Variants in ZMYM2 observed in about 807,000 individuals in gnomAD.
ZMYM2 encodes the protein zinc finger MYM-type protein 2.
ZMYM2 carries 56 observed loss-of-function variants against 162.8 expected under a neutral mutation model. That is an observed-to-expected ratio of 0.34 (90% CI 0.28 to 0.43). The LOEUF (loss-of-function observed/expected upper bound fraction) is 0.43. ZMYM2 is among the 20% of genes least tolerant of loss of function. ZMYM2 has a pLI of 1.00. For synonymous variants in ZMYM2, 510 were observed against 541.6 expected (o/e 0.94, Z 0.81); for missense variants, 1,275 against 1,621.8 (o/e 0.79, Z 3.67).
the ZMYM2 span, among the ~76,000 whole-genome samples, chr13:19,911,515 C>T: frequency 1.3e-5 from 2 of 152,114 alleles, no homozygotes; most frequent in African/African-American, 2.4e-5. Context: ...AGCTTTTTAT[C>T]GGGGTGACTA....
chr13:19,991,157 A>G (rs1341544201), intron 2 of ZMYM2, among the ~76,000 whole-genome samples: 1 of 151,036 alleles, frequency 6.6e-6, no homozygotes, highest in African/African-American at 2.4e-5. Context: ...TCTGTTGCCC[A>G]GGCTGGAATA....
intron 21 of ZMYM2, among the ~76,000 whole-genome samples, chr13:20,078,637 C>A (rs748238221): frequency 8.5e-5 from 13 of 152,148 alleles, no homozygotes; most frequent in Middle Eastern, 3.4e-3. Context: ...GCTGCTTTGC[C>A]CTACAAAGCA....
chr13:19,882,865 CATTA>C, the ZMYM2 span, among the ~76,000 whole-genome samples: 2 of 152,240 alleles, frequency 1.3e-5, no homozygotes, highest in Admixed American at 6.5e-5. Context: ...AAAAGATAAA[CATTA>C]ATTATCTTTT....
chr13:20,000,754 C>T (rs1370411505), intron 3 of ZMYM2, among the ~76,000 whole-genome samples: 1 of 152,242 alleles, frequency 6.6e-6, no homozygotes, highest in Admixed American at 6.5e-5. Context: ...TTCATACCTG[C>T]TACCACAATA....
intron 17 of ZMYM2, among the ~76,000 whole-genome samples, 197 bp downstream of exon 17, chr13:20,061,421 A>C (rs940112330): frequency 6.6e-6 from 1 of 152,194 alleles, no homozygotes; most frequent in African/African-American, 2.4e-5. Context: ...TATCCGAAGC[A>C]GGAATTTGGT....
At chr13:19,909,783 A>G in the ZMYM2 span, among the ~76,000 whole-genome samples, 1 of 152,126 alleles carries the variant, frequency 6.6e-6, no homozygotes, top group Admixed American at 6.6e-5. Flanking sequence ...ACAGACCTCT[A>G]AAGTGCAACC....
At chr13:19,921,599 TA>T in the ZMYM2 span, among the ~76,000 whole-genome samples, 5 of 152,140 alleles carry the variant, frequency 3.3e-5, no homozygotes, top group African/African-American at 9.7e-5. Flanking sequence ...CGCTATTGAT[TA>T]AAAAAATATG....
chr13:20,002,868 C>T lies in ZMYM2; in HGVS notation c.866C>T (p.Ser289Leu). Residue 289 changes from serine to leucine, a missense_variant, in exon 4 of 25, where the codon TCA (serine) becomes TTA (leucine). Around this residue, in one of 10 missense-constraint regions of ZMYM2, gnomAD observed 115 missense variants for 175.3 expected, o/e 0.66. Coordinates refer to ENST00000610343, the MANE Select transcript of ZMYM2 (RefSeq NM_197968.4). Reference sequence around the variant, plus strand: ...TTTTAAGATTCTTGGATCTCCCAGTCAGCTTCATTTCCCCGTAATCAGAAA... The same window carrying T: ...TTTTAAGATTCTTGGATCTCCCAGTTAGCTTCATTTCCCCGTAATCAGAAA... ...HHNPDSWISQ[S>L]ASFPRNQKQP... The T allele has an allele frequency of 6.2e-7, 1 of 1,613,490 alleles. No homozygotes were observed. Among genetic ancestry groups the T allele is most frequent in the Non-Finnish European group, 8.5e-7 (1 of 1,179,550 alleles).
chr13:19,912,113 T>TA, the ZMYM2 span, among the ~76,000 whole-genome samples: 10 of 152,180 alleles, frequency 6.6e-5, 1 homozygote, highest in South Asian at 1.2e-3. Flanking sequence ...CATCTCCTGG[T>TA]AACTGGTATG....
chr13:20,005,320 T>G, intron 5 of ZMYM2, 81 bp downstream of exon 5: 1 of 1,065,532 alleles, frequency 9.4e-7, no homozygotes, highest in Non-Finnish European at 1.3e-6. Flanking sequence ...TAGATAATCT[T>G]TTATCAGTTC....
At chr13:19,883,046 C>A in the ZMYM2 span, among the ~76,000 whole-genome samples, 1 of 152,112 alleles carries the variant, frequency 6.6e-6, no homozygotes, top group Non-Finnish European at 1.5e-5. Context: ...GTGGTCTATA[C>A]ATACAATGGA....
intron 16 of ZMYM2, among the ~76,000 whole-genome samples, chr13:20,060,356 TAA>T (rs1479673858): frequency 6.6e-6 from 1 of 152,154 alleles, no homozygotes; most frequent in Non-Finnish European, 1.5e-5. Flanking sequence ...CTGTGCATAT[TAA>T]GTTTATATTT....
intron 3 of ZMYM2, among the ~76,000 whole-genome samples, chr13:19,994,719 C>T (rs1949890157): frequency 6.6e-6 from 1 of 151,834 alleles, no homozygotes; most frequent in Non-Finnish European, 1.5e-5. Context: ...AAACTCCTGA[C>T]CTCAGGTGAT....
intron 3 of ZMYM2, 122 bp downstream of exon 3, chr13:19,994,041 T>A (rs564399233): frequency 8.6e-7 from 1 of 1,162,542 alleles, no homozygotes; most frequent in African/African-American, 1.5e-5. Context: ...GTGAATTATA[T>A]TGAATTTTAT....
intron 6 of ZMYM2, among the ~76,000 whole-genome samples, chr13:20,011,228 TGAA>T (rs1177811754): frequency 1.3e-5 from 2 of 152,202 alleles, no homozygotes; most frequent in African/African-American, 4.8e-5. Flanking sequence ...GTTCCGGAGT[TGAA>T]GAAGTTCTTT....
chr13:19,913,022 G>A, the ZMYM2 span, among the ~76,000 whole-genome samples: 4 of 152,160 alleles, frequency 2.6e-5, no homozygotes, highest in Non-Finnish European at 5.9e-5. Flanking sequence ...AGTATTGAGT[G>A]GCACCTAGAG....
the ZMYM2 span, among the ~76,000 whole-genome samples, chr13:19,915,588 C>T: frequency 6.6e-6 from 1 of 151,816 alleles, no homozygotes; most frequent in African/African-American, 2.4e-5. Flanking sequence ...AAAGCAACAT[C>T]CGCCCCCCGG....
the ZMYM2 span, among the ~76,000 whole-genome samples, chr13:19,883,603 T>A: frequency 2.8e-4 from 42 of 152,244 alleles, no homozygotes; most frequent in Admixed American, 1.2e-3. Context: ...TTATTTAGTT[T>A]GGGTTAAAAC....
intron 12 of ZMYM2, among the ~76,000 whole-genome samples, chr13:20,048,785 T>G (rs1955046520): frequency 7.0e-6 from 1 of 142,616 alleles, no homozygotes; most frequent in South Asian, 2.3e-4. Flanking sequence ...TTACTTAGAT[T>G]TGTTTGAACC....
Sources: allele counts gnomAD v4.1 joint callset (sites outside exome capture counted in the v4.1 genomes callset), GRCh38; gene constraint gnomAD v4.1.1; regional missense constraint gnomAD v4.1.1; transcripts MANE v1.5; gene names NCBI Gene and HGNC (gene_info 2026-07-23, HGNC 2026-07-21).